The following POM121 variants were observed in gnomAD, a reference collection of about 807,000 sequenced individuals.
The protein encoded by POM121 is POM121 transmembrane nucleoporin, also known as nuclear envelope pore membrane protein POM 121.
Under a neutral mutation model 81.3 loss-of-function variants are expected in POM121, and 32 were observed. The ratio of observed to expected loss-of-function variants is 0.39; its 90% CI spans 0.30 to 0.53. POM121 has a LOEUF of 0.53. Ranked by LOEUF, POM121 falls within the 20% of genes least tolerant of loss-of-function variation. The pLI is 0.66. For synonymous variants in POM121, 514 were observed against 694.2 expected, an observed-to-expected ratio of 0.74 and a Z score of 4.08; for missense variants, 1,138 against 1,614.6, an observed-to-expected ratio of 0.70 and a Z score of 5.06.
intron 5 of POM121, among the ~76,000 whole-genome samples, chr7:72,935,129 T>A (rs1269990867): frequency 1.3e-5 from 2 of 152,066 alleles, no homozygotes; most frequent in Non-Finnish European, 2.9e-5. Flanking sequence ...GTTACAATAT[T>A]GACCTTGTTT....
intron 5 of POM121, among the ~76,000 whole-genome samples, chr7:72,932,604 G>C (rs1285103698): frequency 6.6e-6 from 1 of 152,108 alleles, no homozygotes. Context: ...GGTTAAATGC[G>C]CATGTAATTT....
intron 6 of POM121, 148 bp from the exon 7 acceptor site, chr7:72,939,188 G>C: frequency 5.0e-6 from 6 of 1,192,248 alleles, no homozygotes; most frequent in Non-Finnish European, 7.0e-6. Context: ...GGAATTTCCT[G>C]TTGACTTTTT....
In POM121 at chr7:72,925,180, T is replaced by G. The variant is rs782005642; in HGVS notation, c.59T>G (p.Val20Gly). The G allele has an allele frequency of 3.3e-6, 5 of 1,515,060 alleles. No homozygotes were observed. Among genetic ancestry groups the G allele is most frequent in the Non-Finnish European group, 4.4e-6 (5 of 1,138,846 alleles). The allele number at this position is 1,515,060 out of a possible 1,614,324, so 93.9% of individuals were successfully genotyped here. The change falls in exon 1 of 13, where the codon GTC (valine) becomes GGC (glycine). Residue 20 changes from valine to glycine, a missense_variant. Val to Gly is a moderately radical substitution (Grantham distance 109, BLOSUM62 -3). This residue lies in a region of POM121 where 646 missense variants were observed against 633.5 expected (regional missense o/e 1.02). Coordinates refer to ENST00000434423, the MANE Select transcript of POM121 (RefSeq NM_001387691.1). ...AGERRRPIAS[V>G]RDGRGRGCGG... is the part of the protein sequence containing the mutation. Reference sequence around the variant, plus strand: ...GAGCGGCGGCGGCCCATAGCGAGTGTCAGGGACGGCCGGGGCCGGGGCTGC... The same window carrying G: ...GAGCGGCGGCGGCCCATAGCGAGTGGCAGGGACGGCCGGGGCCGGGGCTGC...
downstream of POM121, chr7:72,949,204 A>T (rs1554504226): frequency 9.8e-7 from 1 of 1,016,578 alleles, no homozygotes; most frequent in East Asian, 2.4e-5. Context: ...CTTTTGCTCC[A>T]GGGTCCCAAG....
intron 1 of POM121, among the ~76,000 whole-genome samples, chr7:72,886,328 C>G (rs1298925347): frequency 3.3e-5 from 5 of 152,060 alleles, no homozygotes; most frequent in Non-Finnish European, 5.9e-5. Flanking sequence ...CACCCACCAT[C>G]ACGCCCGGCT....
chr7:72,898,418 T>C (rs1221235843), intron 3 of POM121, among the ~76,000 whole-genome samples: 1 of 152,080 alleles, frequency 6.6e-6, no homozygotes, highest in Non-Finnish European at 1.5e-5. Context: ...TTTGAGGTGT[T>C]AGTTAGATAT....
In POM121 at chr7:72,943,029, G is replaced by A. The variant is rs782712602; in HGVS notation, c.3036G>A (p.Pro1012=). Residue 1012 remains proline, a synonymous_variant, in exon 11 of 13, where the codon CCG becomes CCA. Transcript: ENST00000434423. ...APAAAPTPAP[P]SMIKVVPAYV... Reference sequence around the variant, plus strand: ...CTGCTGCACCCACACCTGCACCTCCGTCCATGATCAAGGTCGTGCCTGCGT... The same window carrying A: ...CTGCTGCACCCACACCTGCACCTCCATCCATGATCAAGGTCGTGCCTGCGT... 1.2e-5 allele frequency: 20 copies of A among 1,613,750 alleles called. No homozygotes were observed. The highest frequency in any genetic ancestry group is 5.5e-5 in the South Asian group (5 of 91,082).
chr7:72,923,692 C>T (rs367672993), upstream of POM121, among the ~76,000 whole-genome samples: 9 of 146,832 alleles, frequency 6.1e-5, no homozygotes, highest in South Asian at 2.2e-4. Flanking sequence ...CTCCGCCTCC[C>T]GGGTTCACGC....
At chr7:72,944,919 CAG>C (rs1196562016) in intron 11 of POM121, among the ~76,000 whole-genome samples, 3 of 152,122 alleles carry the variant, frequency 2.0e-5, no homozygotes, top group South Asian at 2.1e-4. Context: ...CTCTGTGAAT[CAG>C]GGAGTGACCT....
intron 4 of POM121, among the ~76,000 whole-genome samples, chr7:72,916,260 A>T (rs1794286207): frequency 6.6e-6 from 1 of 152,132 alleles, no homozygotes; most frequent in Non-Finnish European, 1.5e-5. Context: ...CTATGTCCTG[A>T]ATGGTATTGC....
At chr7:72,901,302 A>G (rs1393761526) in intron 3 of POM121, among the ~76,000 whole-genome samples, 1 of 149,584 alleles carries the variant, frequency 6.7e-6, no homozygotes, top group Non-Finnish European at 1.5e-5. Flanking sequence ...GCAGCCTTTA[A>G]TTCCTGGGCT....
chr7:72,924,007 G>T (rs1554496530), upstream of POM121, among the ~76,000 whole-genome samples: 2 of 148,834 alleles, frequency 1.3e-5, no homozygotes. Context: ...GTGCAGTGGC[G>T]CAATCTCGGC....
At chr7:72,887,663 CTAAAAA>C (rs1485900946) in intron 1 of POM121, among the ~76,000 whole-genome samples, 1 of 152,062 alleles carries the variant, frequency 6.6e-6, no homozygotes, top group African/African-American at 2.4e-5. Flanking sequence ...CCCATCTCTA[CTAAAAA>C]TATAAAAATT....
At chr7:72,929,204 G>A (rs1194539770) in intron 4 of POM121, among the ~76,000 whole-genome samples, 1 of 152,190 alleles carries the variant, frequency 6.6e-6, no homozygotes, top group Admixed American at 6.5e-5. Context: ...GGGGAATAAA[G>A]AAATAAGTGA....
chr7:72,924,188 C>T (rs1795121129), upstream of POM121, among the ~76,000 whole-genome samples: 1 of 151,824 alleles, frequency 6.6e-6, no homozygotes, highest in African/African-American at 2.4e-5. Flanking sequence ...CCTTGTGATC[C>T]GCCCACCCCG....
At chr7:72,888,115 C>T (rs1790915774) in intron 1 of POM121, among the ~76,000 whole-genome samples, 1 of 152,164 alleles carries the variant, frequency 6.6e-6, no homozygotes, top group Non-Finnish European at 1.5e-5. Flanking sequence ...CCTTCTGCCT[C>T]AGCTTTCCAG....
Position 72,943,364 on chromosome 7 carries a change from C to G in POM121, c.3371C>G (p.Thr1124Ser). 5.0e-6 allele frequency: 8 copies of G among 1,613,060 alleles called. No individual in the cohort carries two copies. Among genetic ancestry groups the G allele is most frequent in the Non-Finnish European group, 6.8e-6 (8 of 1,179,688 alleles). ...GCCACCCCAGGCTCCAGCACCACCA[C>G]CGGAGCTTTCAGCTTTGGAGCAGGA... ...NVATPGSSTT[T>S]GAFSFGAGQS... The change falls in exon 11 of 13, where the codon ACC becomes AGC. Residue 1124 changes from threonine (T) to serine (S), a missense_variant. Thr to Ser is a moderately conservative substitution (Grantham distance 58). Coordinates refer to ENST00000434423, the MANE Select transcript of POM121 (RefSeq NM_001387691.1).
Position 72,929,792 on chromosome 7 carries a change from A to G in POM121, c.1104-148A>G, listed in dbSNP as rs542158905. 226 of 1,283,552 alleles carry G rather than the reference A, an allele frequency of 1.8e-4. No homozygotes were observed. The South Asian group carries it at 4.6e-3, about 26-fold the overall frequency. 79.5% of individuals were successfully genotyped at this position (1,283,552 alleles called of 1,614,324 possible). On this transcript the variant is annotated intron_variant, in intron 4 of 12. Transcript: ENST00000434423. ...TTTGGCTTTTCTTACTGACTTTGTC[A>G]GATAGATTTGGCCAGATTGTTAGCA...
Position 72,925,156 on chromosome 7 carries a change from AGCG to A in POM121, c.44_46del (p.Arg15del), listed in dbSNP as rs1322199085. On this transcript the variant is annotated inframe_deletion, in exon 1 of 13. Coordinates refer to ENST00000434423, the MANE Select transcript of POM121 (RefSeq NM_001387691.1). The stretch of plus-strand genomic sequence containing the variant: ...GCGGCTGCGGCGGCTGGAGCAGGCG[AGCG>A]GCGGCGGCCCATAGCGAGTGTCAGG... 7.5e-6 allele frequency: 11 copies of A among 1,476,250 alleles called. No individual in the cohort carries two copies. In the East Asian group the frequency reaches 1.4e-4, roughly 19 times the overall value. 91.4% of individuals were successfully genotyped at this position (1,476,250 alleles called of 1,614,324 possible).
Sources: gnomAD v4.1 joint callset for allele counts (sites outside exome capture counted in the v4.1 genomes callset) on GRCh38, gnomAD v4.1.1 for gene constraint, gnomAD v4.1.1 regional missense constraint, MANE v1.5 for transcripts, NCBI Gene and HGNC (gene_info 2026-07-23, HGNC 2026-07-21) for gene names.